BNC2: variants seen among roughly 807,000 people sequenced by gnomAD.
BNC2 encodes the protein zinc finger protein basonuclin-2.
Under a neutral mutation model 76.3 loss-of-function variants are expected in BNC2, and 20 were observed. That is an observed-to-expected ratio of 0.26 (90% CI 0.18 to 0.38). BNC2 has a LOEUF of 0.38. BNC2 is among the 10% of genes least tolerant of loss of function. BNC2 has a pLI of 1.00. For missense variants in BNC2, 1,382 were observed against 1,399.8 expected, an observed-to-expected ratio of 0.99 and a Z score of 0.20; for synonymous variants, 582 against 514.8, an observed-to-expected ratio of 1.13 and a Z score of -1.77.
At chr9:16,490,591 T>G (rs899982508) in intron 5 of BNC2, among the ~76,000 whole-genome samples, 1 of 152,196 alleles carries the variant, frequency 6.6e-6, no homozygotes, top group Admixed American at 6.5e-5. Context: ...TGTGTATGTG[T>G]GTGTTTAAGG....
rs552303945 is a variant in BNC2 at position 16,419,270 on chromosome 9, C to T, written c.3019G>A (p.Glu1007Lys). Reference protein sequence around the residue: ...SDSGESAHKAEAPALPGSLGA... With the variant: ...SDSGESAHKAKAPALPGSLGA... ...AGGCTGCCAGGGAGGGCAGGGGCCT[C>T]GGCCTTGTGTGCCGACTCCCCACTG... The change falls in exon 7 of 7, where the codon GAG (glutamate) becomes AAG (lysine). Residue 1007 changes from glutamate (E) to lysine (K), a missense_variant. Glu to Lys is a moderately conservative substitution (Grantham distance 56, BLOSUM62 1). Around this residue, in one of 3 missense-constraint regions of BNC2, gnomAD observed 798 missense variants for 775.5 expected, o/e 1.03. Coordinates refer to ENST00000380672, the MANE Select transcript of BNC2 (RefSeq NM_017637.6). 16 of 1,614,178 alleles carry T rather than the reference C, an allele frequency of 9.9e-6. No homozygotes were observed. The highest frequency in any genetic ancestry group is 2.7e-5 in the African/African-American group (2 of 75,060).
rs1387339945 is a variant in BNC2 at position 16,558,812 on chromosome 9, C to T, written c.434-6047G>A. On this transcript the variant is annotated intron_variant, in intron 4 of 6. Transcript: ENST00000380672. ...GGCACGGTGGCGCGCACCTGTAGTCCCAGCTACTCTACTCAGGAGGCTGAA... is the reference window on the plus strand; with the variant it reads ...GGCACGGTGGCGCGCACCTGTAGTCTCAGCTACTCTACTCAGGAGGCTGAA... Among the ~76,000 whole-genome samples, 18 of 151,690 alleles carry T rather than the reference C, an allele frequency of 1.2e-4. No individual in the cohort carries two copies. In the East Asian group the frequency reaches 3.5e-3, roughly 30 times the overall value.
At chr9:16,725,509 A>G (rs1353820477) in intron 3 of BNC2, among the ~76,000 whole-genome samples, 1 of 151,920 alleles carries the variant, frequency 6.6e-6, no homozygotes, top group Non-Finnish European at 1.5e-5. Context: ...TGCTAACTAC[A>G]TCAAAACCAA....
chr9:16,546,214 T>A (rs994695015), intron 5 of BNC2, among the ~76,000 whole-genome samples: 2 of 152,250 alleles, frequency 1.3e-5, no homozygotes, highest in African/African-American at 4.8e-5. Flanking sequence ...TATTATTTCA[T>A]CTTTTTAGAC....
chr9:16,676,933 G>A (rs1822661193), intron 3 of BNC2, among the ~76,000 whole-genome samples: 1 of 152,136 alleles, frequency 6.6e-6, no homozygotes, highest in Non-Finnish European at 1.5e-5. Context: ...ATTACAGAAG[G>A]CGAATTAAGA....
intron 3 of BNC2, among the ~76,000 whole-genome samples, chr9:16,664,531 C>T (rs1006741467): frequency 6.6e-6 from 1 of 152,084 alleles, no homozygotes; most frequent in Non-Finnish European, 1.5e-5. Context: ...GAATTTCTGG[C>T]CTTGTAGGAA....
intron 6 of BNC2, among the ~76,000 whole-genome samples, chr9:16,426,343 T>G: frequency 6.9e-6 from 1 of 143,968 alleles, no homozygotes; most frequent in South Asian, 2.3e-4. Flanking sequence ...TTTTTTTTTG[T>G]CAGTATAGAT....
intron 3 of BNC2, among the ~76,000 whole-genome samples, chr9:16,639,983 G>C (rs1821444634): frequency 6.6e-6 from 1 of 151,912 alleles, no homozygotes; most frequent in East Asian, 1.9e-4. Context: ...CAGACAGCTT[G>C]AGGGATTTTT....
At chr9:16,788,461 G>A (rs980894808) in intron 1 of BNC2, among the ~76,000 whole-genome samples, 1 of 151,162 alleles carries the variant, frequency 6.6e-6, no homozygotes, top group Non-Finnish European at 1.5e-5. Context: ...GCTAAGGCAG[G>A]AGAATGGCGT....
At chr9:16,524,683 T>G (rs985228725) in intron 5 of BNC2, among the ~76,000 whole-genome samples, 1 of 152,010 alleles carries the variant, frequency 6.6e-6, no homozygotes, top group African/African-American at 2.4e-5. Context: ...GAAGAAAAAA[T>G]AGATGAATGA....
Position 16,725,217 on chromosome 9 carries a change from T to TCTCACACACA in BNC2, c.330+2579_330+2580insTGTGTGTGAG, listed in dbSNP as rs1554717037. On this transcript the variant is annotated intron_variant, in intron 3 of 6. Transcript: ENST00000380672. ...TATAATTTCAATAAGTCTCTCTCTC[T>TCTCACACACA]CACACACACACACACACACACACAC... 6.7e-5 allele frequency among the ~76,000 whole-genome samples: 10 copies of TCTCACACACA among 148,262 alleles called. No individual in the cohort carries two copies. The East Asian group carries it at 7.9e-4, about 12-fold the overall frequency.
At chr9:16,615,713 T>G (rs1210795126) in intron 3 of BNC2, among the ~76,000 whole-genome samples, 2 of 152,198 alleles carry the variant, frequency 1.3e-5, no homozygotes. Flanking sequence ...TTATATTAAA[T>G]AAATTTGTAT....
intron 3 of BNC2, among the ~76,000 whole-genome samples, chr9:16,695,188 T>C (rs1823301107): frequency 6.6e-6 from 1 of 152,192 alleles, no homozygotes; most frequent in Non-Finnish European, 1.5e-5. Context: ...ACATGAGAGT[T>C]TCTTTTTTGC....
At chr9:16,705,334 C>A (rs531246399) in intron 3 of BNC2, among the ~76,000 whole-genome samples, 5 of 152,214 alleles carry the variant, frequency 3.3e-5, no homozygotes, top group African/African-American at 1.2e-4. Context: ...TTTGGCCGCG[C>A]TGGGCCAGCT....
At chr9:16,471,204 T>C (rs1821816879) in intron 5 of BNC2, among the ~76,000 whole-genome samples, 1 of 152,146 alleles carries the variant, frequency 6.6e-6, no homozygotes, top group South Asian at 2.1e-4. Context: ...AACCCCTCTG[T>C]TTTGGCCAAT....
intron 3 of BNC2, among the ~76,000 whole-genome samples, chr9:16,637,172 T>G (rs1457768480): frequency 6.6e-6 from 1 of 152,154 alleles, no homozygotes; most frequent in African/African-American, 2.4e-5. Context: ...AGAATTAATT[T>G]TGTGTTCAAA....
chr9:16,605,746 T>C (rs886866129), intron 3 of BNC2, among the ~76,000 whole-genome samples: 1 of 151,540 alleles, frequency 6.6e-6, no homozygotes, highest in South Asian at 2.1e-4. Context: ...GTGATATAAT[T>C]AGTGATAACT....
chr9:16,699,154 T>C (rs1346253656), intron 3 of BNC2: 1 of 467,560 alleles, frequency 2.1e-6, no homozygotes, highest in Non-Finnish European at 4.4e-6. Flanking sequence ...TCCCTTTGTT[T>C]TAAAAACAGA....
At chr9:16,843,065 T>C (rs368497225) in intron 1 of BNC2, among the ~76,000 whole-genome samples, 74 of 152,326 alleles carry the variant, frequency 4.9e-4, no homozygotes, top group African/African-American at 1.6e-3. Context: ...ATTACTGAAC[T>C]GTACACTTTA....
Sources: gnomAD v4.1 joint callset for allele counts (sites outside exome capture counted in the v4.1 genomes callset) on GRCh38, gnomAD v4.1.1 for gene constraint, gnomAD v4.1.1 regional missense constraint, MANE v1.5 for transcripts, NCBI Gene and HGNC (gene_info 2026-07-23, HGNC 2026-07-21) for gene names.